IGF2BP3: variants seen among roughly 807,000 people sequenced by gnomAD.
The protein encoded by IGF2BP3 is insulin like growth factor 2 mRNA binding protein 3, also known as insulin-like growth factor 2 mRNA-binding protein 3.
IGF2BP3 carries 9 observed loss-of-function variants against 73.8 expected under a neutral mutation model. The observed-to-expected ratio is 0.12, with a 90% confidence interval of 0.07 to 0.21. The LOEUF (loss-of-function observed/expected upper bound fraction) is 0.21. Ranked by LOEUF, IGF2BP3 falls within the 10% of genes least tolerant of loss-of-function variation. IGF2BP3 has a pLI of 1.00. For synonymous variants in IGF2BP3, 258 were observed against 256.7 expected, an observed-to-expected ratio of 1.01 and a Z score of -0.05; for missense variants, 542 against 714.0, an observed-to-expected ratio of 0.76 and a Z score of 2.75.
At chr7:23,368,787 C>T (rs933154282) in intron 3 of IGF2BP3, among the ~76,000 whole-genome samples, 1 of 151,928 alleles carries the variant, frequency 6.6e-6, no homozygotes, top group Non-Finnish European at 1.5e-5. Context: ...ATCCCAGCTA[C>T]TCGGGACGCT....
chr7:23,410,905 T>C (rs964242597), intron 3 of IGF2BP3, among the ~76,000 whole-genome samples: 10 of 152,230 alleles, frequency 6.6e-5, no homozygotes, highest in Admixed American at 3.3e-4. Flanking sequence ...TTCACCTCTC[T>C]GTACCACCAC....
intron 2 of IGF2BP3, among the ~76,000 whole-genome samples, chr7:23,439,636 A>AGTGTGATT (rs1260326070): frequency 1.3e-5 from 2 of 152,182 alleles, no homozygotes; most frequent in Non-Finnish European, 2.9e-5. Context: ...GCTTATAATC[A>AGTGTGATT]GTGTGATTAC....
chr7:23,347,562 A>G, intron 7 of IGF2BP3, 38 bp downstream of exon 7: 3 of 1,596,332 alleles, frequency 1.9e-6, no homozygotes, highest in East Asian at 4.5e-5. Context: ...AAGAGCACAA[A>G]TATCAACCTC....
intron 3 of IGF2BP3, among the ~76,000 whole-genome samples, chr7:23,391,338 G>A (rs1297157749): frequency 6.6e-6 from 1 of 152,032 alleles, no homozygotes; most frequent in African/African-American, 2.4e-5. Context: ...GACTTCAAAT[G>A]ATCTGCCTGC....
At chr7:23,381,296 C>T (rs1785901709) in intron 3 of IGF2BP3, among the ~76,000 whole-genome samples, 1 of 152,204 alleles carries the variant, frequency 6.6e-6, no homozygotes, top group Non-Finnish European at 1.5e-5. Context: ...GGAAAGGCCA[C>T]ATGCCCAGCG....
At chr7:23,378,221 G>A (rs1028291531) in intron 3 of IGF2BP3, among the ~76,000 whole-genome samples, 7 of 151,986 alleles carry the variant, frequency 4.6e-5, no homozygotes, top group Admixed American at 2.0e-4. Context: ...TATTAGTCAC[G>A]GAATAATGTT....
chr7:23,460,345 T>C (rs538660420), intron 2 of IGF2BP3, among the ~76,000 whole-genome samples: 1 of 151,906 alleles, frequency 6.6e-6, no homozygotes, highest in East Asian at 1.9e-4. Flanking sequence ...CTGGCTAACA[T>C]GGTGAAACCC....
intron 5 of IGF2BP3, among the ~76,000 whole-genome samples, chr7:23,352,278 ATTTTTTTTTTTTT>A (rs70966011): frequency 3.0e-4 from 22 of 73,762 alleles, no homozygotes; most frequent in South Asian, 9.6e-4. Context: ...TCTCTTTTTC[ATTTTTTTTTTTTT>A]TTTTTTTTTT....
chr7:23,373,133 T>G (rs1785609581), intron 3 of IGF2BP3, among the ~76,000 whole-genome samples: 1 of 152,246 alleles, frequency 6.6e-6, no homozygotes, highest in Non-Finnish European at 1.5e-5. Flanking sequence ...TTAAGAGCTT[T>G]ATTAACTCCC....
At chr7:23,345,003 T>C (rs1784796272) in intron 8 of IGF2BP3, among the ~76,000 whole-genome samples, 2 of 152,224 alleles carry the variant, frequency 1.3e-5, no homozygotes, top group African/African-American at 4.8e-5. Flanking sequence ...GACAAAGTAG[T>C]ATTACTTATT....
At chr7:23,447,022 G>A (rs1405313013) in intron 2 of IGF2BP3, among the ~76,000 whole-genome samples, 1 of 151,966 alleles carries the variant, frequency 6.6e-6, no homozygotes, top group Non-Finnish European at 1.5e-5. Context: ...GCCCAACATG[G>A]TGAAACCTCA....
At chr7:23,437,108 G>A (rs1180519390) in intron 2 of IGF2BP3, among the ~76,000 whole-genome samples, 1 of 151,640 alleles carries the variant, frequency 6.6e-6, no homozygotes, top group Non-Finnish European at 1.5e-5. Flanking sequence ...GATAGAGTCA[G>A]ACCCTGTCTC....
intron 2 of IGF2BP3, among the ~76,000 whole-genome samples, chr7:23,436,759 T>C (rs1341764355): frequency 6.6e-6 from 1 of 152,256 alleles, no homozygotes; most frequent in African/African-American, 2.4e-5. Context: ...TTAGATGTCC[T>C]TCCTTTGCCT....
chr7:23,329,824 A>G (rs2128496842), intron 10 of IGF2BP3, among the ~76,000 whole-genome samples: 1 of 152,288 alleles, frequency 6.6e-6, no homozygotes, highest in Admixed American at 6.5e-5. Flanking sequence ...AGAAACTAAC[A>G]ACATTCTCAT....
Position 23,470,202 on chromosome 7 carries a change from C to T in IGF2BP3, c.-92G>A, listed in dbSNP as rs1391461922. On this transcript the variant is annotated 5_prime_UTR_variant, in exon 1 of 15. Coordinates refer to ENST00000258729, the MANE Select transcript of IGF2BP3 (RefSeq NM_006547.3). ...TGGATGGATCCAGCTGGTTTTGTTC[C>T]CCTCGTCTTCTCGCCTTTAAAATAC... The T allele has an allele frequency of 2.0e-6, 2 of 1,014,172 alleles. No homozygotes were observed. Among genetic ancestry groups the T allele is most frequent in the Non-Finnish European group, 2.9e-6 (2 of 689,436 alleles). The allele number at this position is 1,014,172 out of a possible 1,614,324, so 62.8% of individuals were successfully genotyped here. A position where few individuals can be genotyped will look rare whatever the true frequency, so the allele number is the denominator to read the frequency against.
At chr7:23,452,542 G>C (rs1788225580) in intron 2 of IGF2BP3, among the ~76,000 whole-genome samples, 1 of 152,066 alleles carries the variant, frequency 6.6e-6, no homozygotes, top group Non-Finnish European at 1.5e-5. Flanking sequence ...GGTGGCTCAT[G>C]CCTGTAATCC....
chr7:23,429,873 C>A (rs1787622659), intron 2 of IGF2BP3, among the ~76,000 whole-genome samples: 1 of 152,152 alleles, frequency 6.6e-6, no homozygotes, highest in South Asian at 2.1e-4. Context: ...ACCTTTCATC[C>A]AAATTACCTG....
intron 2 of IGF2BP3, among the ~76,000 whole-genome samples, chr7:23,436,003 T>A (rs6461710): frequency 6.6e-6 from 1 of 152,194 alleles, no homozygotes; most frequent in African/African-American, 2.4e-5. Context: ...GTGATCCACC[T>A]GCCTCGGCCT....
intron 2 of IGF2BP3, among the ~76,000 whole-genome samples, chr7:23,447,518 G>A (rs376987343): frequency 2.7e-5 from 4 of 150,032 alleles, no homozygotes; most frequent in South Asian, 2.1e-4. Flanking sequence ...CCAGCTACTC[G>A]GGAGGCTGAG....
Sources: allele counts gnomAD v4.1 joint callset (sites outside exome capture counted in the v4.1 genomes callset), GRCh38; gene constraint gnomAD v4.1.1; transcripts MANE v1.5; gene names NCBI Gene and HGNC (gene_info 2026-07-23, HGNC 2026-07-21).